Variants in THBS2 observed in about 807,000 individuals in gnomAD.
The protein encoded by THBS2 is thrombospondin-2.
A neutral mutation model predicts 135.2 loss-of-function variants in THBS2; 47 were observed. That is an observed-to-expected ratio of 0.35 (90% CI 0.28 to 0.44). THBS2 has a LOEUF of 0.44. THBS2 is among the 20% of genes least tolerant of loss of function. The probability of loss-of-function intolerance (pLI) is 1.00; values close to 1 mark genes in which losing one functional copy is unlikely to be tolerated. For missense variants in THBS2, 1,288 were observed against 1,603.1 expected, an observed-to-expected ratio of 0.80 and a Z score of 3.36; for synonymous variants, 639 against 633.8, an observed-to-expected ratio of 1.01 and a Z score of -0.12.
rs1779378208 is a variant in THBS2, at chr6:169,220,350, T to A, written c.3372-13A>T. ...ATGCACTAAGACTCTAAAAATGGTG[T>A]TTAAAAAGAAGAAGAGGAAAGAAAG... On this transcript the variant is annotated splice_polypyrimidine_tract_variant and intron_variant, in intron 20 of 21. Transcript: ENST00000617924. 1 of 1,589,268 alleles carries A rather than the reference T, an allele frequency of 6.3e-7. No homozygotes were observed.
chr6:169,240,718 A>G (rs1282467121), intron 5 of THBS2, 126 bp from the exon 6 acceptor site: 1 of 1,221,214 alleles, frequency 8.2e-7, no homozygotes, highest in Non-Finnish European at 1.1e-6. Flanking sequence ...GACTTGACTC[A>G]TCCCTGGGTG....
Position 169,232,132 on chromosome 6 carries a change from A to G in THBS2, c.1999T>C (p.Tyr667His), listed in dbSNP as rs940738759. The change falls in exon 13 of 22, where the codon TAC becomes CAC. Residue 667 changes from tyrosine to histidine, a missense_variant. Transcript: ENST00000617924. ...ATGGGGTCGCTGAAGTGGCCCAGGT[A>G]GATGCACTCCGCGTGCTTGTGGCAG... is the stretch of plus-strand genomic sequence containing the variant. ...HNCHKHAECI[Y>H]LGHFSDPMYK... 1.9e-6 allele frequency: 3 copies of G among 1,613,976 alleles called. No individual in the cohort carries two copies. Among genetic ancestry groups the G allele is most frequent in the Non-Finnish European group, 1.7e-6 (2 of 1,179,982 alleles).
At chr6:169,249,028 G>T in intron 2 of THBS2, 55 bp from the exon 3 acceptor site, 2 of 1,522,514 alleles carry the variant, frequency 1.3e-6, no homozygotes, top group Non-Finnish European at 1.8e-6. Context: ...GGCGAGGTTG[G>T]CCTGACCCAG....
chr6:169,219,918 C>A (rs1779363821), intron 21 of THBS2: 6 of 580,018 alleles, frequency 1.0e-5, no homozygotes, highest in South Asian at 9.7e-5. Context: ...TGGAGGAAAT[C>A]TAGGAAACTC....
chr6:169,221,595 C>A, intron 19 of THBS2, 68 bp from the exon 20 acceptor site: 2 of 1,423,918 alleles, frequency 1.4e-6, no homozygotes, highest in Non-Finnish European at 2.0e-6. Context: ...TCTGTAACAC[C>A]AAGCAGGAAG....
rs34458367 is a variant in THBS2, at chr6:169,244,164, GTTTTTTT to G, written c.694+2026_694+2032del. 8.5e-3 allele frequency among the ~76,000 whole-genome samples: 1,027 copies of G among 120,338 alleles called. 11 individuals carry two copies. Among genetic ancestry groups the G allele is most frequent in the African/African-American group, 0.025 (794 of 32,240 alleles). 78.9% of individuals were successfully genotyped at this position (120,338 alleles called of 152,430 possible). On this transcript the variant is annotated intron_variant, in intron 4 of 21. Transcript: ENST00000617924. ...AGATAACAGATCTAGATTTCTCTGT[GTTTTTTT>G]TTTTTTTTTTTTGGAAGATCTAAGA...
chr6:169,241,863 C>T lies in THBS2; in HGVS notation c.790G>A (p.Glu264Lys), dbSNP rs756790082. ...TCCTCGCACGAGCGTTCGCACACCT[C>T]GGGCCTCCTCTCCGAGCTGGGGCCC... Reference protein sequence around the residue: ...YVGPSSERRPEVCERSCEELG... With the variant: ...YVGPSSERRPKVCERSCEELG... The change falls in exon 5 of 22, where the codon GAG (glutamate) becomes AAG (lysine). Residue 264 changes from glutamate (E) to lysine (K), a missense_variant. Glu to Lys is a moderately conservative substitution (Grantham distance 56). This residue lies in a region of THBS2 where 414 missense variants were observed against 447.0 expected (regional missense o/e 0.93). Coordinates refer to ENST00000617924, the MANE Select transcript of THBS2 (RefSeq NM_003247.5). This position sits in a 1 kb window ranked among gnomAD's most constrained non-coding sequence, Gnocchi z 5.5. 6.2e-6 allele frequency: 10 copies of T among 1,612,544 alleles called. No individual in the cohort carries two copies. The highest frequency in any genetic ancestry group is 5.5e-5 in the South Asian group (5 of 91,072).
At chr6:169,219,756 C>T in intron 21 of THBS2, 1 of 517,486 alleles carries the variant, frequency 1.9e-6, no homozygotes, top group Non-Finnish European at 3.9e-6. Context: ...AGATGGAATT[C>T]AAGTTATCTT....
chr6:169,240,771 G>A (rs758229090), intron 5 of THBS2, among the ~76,000 whole-genome samples, 179 bp from the exon 6 acceptor site: 6 of 152,306 alleles, frequency 3.9e-5, no homozygotes, highest in South Asian at 4.1e-4. Flanking sequence ...GGCTTTCTGA[G>A]CCACAGCTTC....
At chr6:169,232,567 C>T (rs570356035) in intron 12 of THBS2, 97 bp downstream of exon 12, 136 of 1,516,654 alleles carry the variant, frequency 9.0e-5, no homozygotes, top group Non-Finnish European at 1.1e-4. Flanking sequence ...TCCCGGGCCA[C>T]GCCACCCCTT....
rs190983506 is a variant in THBS2 at position 169,248,889 on chromosome 6, C to A, written c.137G>T (p.Arg46Leu). The change falls in exon 3 of 22, where the codon CGC (arginine) becomes CTC (leucine). Residue 46 changes from arginine to leucine, a missense_variant. Transcript: ENST00000617924. ...AGCCGGCACGCCGGGGTCGGGCCCG[C>A]GGAACTGCTTGGCGCCAATGGTCTT... The part of the protein sequence containing the change: ...NRKTIGAKQF[R>L]GPDPGVPAYR... The A allele has an allele frequency of 1.2e-6, 2 of 1,613,236 alleles. No individual in the cohort carries two copies. The highest frequency in any genetic ancestry group is 2.7e-5 in the African/African-American group (2 of 75,008).
chr6:169,229,240 AAAGGC>A (rs1169035027), intron 14 of THBS2, among the ~76,000 whole-genome samples: 3 of 152,268 alleles, frequency 2.0e-5, no homozygotes, highest in Admixed American at 2.0e-4. Context: ...ATGTTGCCAT[AAAGGC>A]AAGTCTATCA....
At chr6:169,220,135 G>GT (rs1456878595) in intron 21 of THBS2, 63 bp downstream of exon 21, 2 of 1,579,914 alleles carry the variant, frequency 1.3e-6, no homozygotes, top group Admixed American at 1.7e-5. Context: ...AGCGCACTGT[G>GT]TACCCCTTTC....
In THBS2 at chr6:169,250,819, G is replaced by A. The variant is rs772036499; in HGVS notation, c.-22-13C>T. 23 of 1,604,796 alleles carry A rather than the reference G, an allele frequency of 1.4e-5. No individual in the cohort carries two copies. In the South Asian group the frequency reaches 2.5e-4, roughly 17 times the overall value. ...TGCAGCTGAGCTCCTGGGAATACAG[G>A]AAACCCTTGTTAGTGATGAGTCCAC... On this transcript the variant is annotated splice_polypyrimidine_tract_variant and intron_variant, in intron 1 of 21. Transcript: ENST00000617924.
Position 169,221,454 on chromosome 6 carries a change from T to C in THBS2, c.3347A>G (p.His1116Arg). 2 of 1,614,012 alleles carry C rather than the reference T, an allele frequency of 1.2e-6. No individual in the cohort carries two copies. Among genetic ancestry groups the C allele is most frequent in the Non-Finnish European group, 1.7e-6 (2 of 1,180,028 alleles). ...DYTAYRWHLT[H>R]RPKTGYIRVL... ...CCTGATGTAGCCAGTCTTGGGCCTG[T>C]GAGTCAGGTGCCACCTATAGGCCGT... Residue 1116 changes from histidine to arginine, a missense_variant, in exon 20 of 22, where the codon CAC (histidine) becomes CGC (arginine). Physicochemically the swap from His to Arg is conservative, Grantham distance 29. Coordinates refer to ENST00000617924, the MANE Select transcript of THBS2 (RefSeq NM_003247.5).
chr6:169,237,849 C>T, intron 7 of THBS2, 54 bp from the exon 8 acceptor site: 1 of 1,568,964 alleles, frequency 6.4e-7, no homozygotes, highest in Non-Finnish European at 8.6e-7. Context: ...AGACGTGCCA[C>T]AGAACAGAAC....
rs761759793 is a variant in THBS2, at chr6:169,225,166, G to A, written c.2752C>T (p.Pro918Ser). ...CCACCGTCCAAGTCCTCCTGGTCTG[G>A]GTTGAACACAAGCCGGCAGTTGTCC... ...DRDNCRLVFN[P>S]DQEDLDGDGR... is the part of the protein sequence containing the mutation. Residue 918 changes from proline to serine, a missense_variant, in exon 17 of 22, where the codon CCA (proline) becomes TCA (serine). Physicochemically the swap from Pro to Ser is moderately conservative, Grantham distance 74. This residue lies in a region of THBS2 where 874 missense variants were observed against 1,156.1 expected (regional missense o/e 0.76). Coordinates refer to ENST00000617924, the MANE Select transcript of THBS2 (RefSeq NM_003247.5). 4 of 1,614,212 alleles carry A rather than the reference G, an allele frequency of 2.5e-6. No individual in the cohort carries two copies. Among genetic ancestry groups the A allele is most frequent in the Non-Finnish European group, 3.4e-6 (4 of 1,180,034 alleles).
At chr6:169,248,318 T>C (rs1780628144) in intron 3 of THBS2, 99 bp downstream of exon 3, 1 of 1,398,468 alleles carries the variant, frequency 7.2e-7, no homozygotes, top group Non-Finnish European at 9.7e-7. Flanking sequence ...AAGGCCAGGC[T>C]CTGCCTGCTC....
In THBS2 at chr6:169,248,977, C is replaced by T. The variant is rs1371742264; in HGVS notation, c.53-4G>A. The T allele has an allele frequency of 2.5e-6, 4 of 1,593,062 alleles. No individual in the cohort carries two copies. The highest frequency in any genetic ancestry group is 2.3e-5 in the South Asian group (2 of 87,678). On this transcript the variant is annotated splice_polypyrimidine_tract_variant and splice_region_variant and intron_variant, in intron 2 of 21. Transcript: ENST00000617924. ...GTGTCTTTGTCCTGGTGACCAGCTG[C>T]AAAGGGAACCGCAGTGGAGAAGGGT...
Sources: allele counts gnomAD v4.1 joint callset (sites outside exome capture counted in the v4.1 genomes callset), GRCh38; gene constraint gnomAD v4.1.1; regional missense constraint gnomAD v4.1.1; non-coding constraint Gnocchi (gnomAD v3.1); transcripts MANE v1.5; gene names NCBI Gene and HGNC (gene_info 2026-07-23, HGNC 2026-07-21).